The following GPR161 variants were observed in gnomAD, a reference collection of about 807,000 sequenced individuals.
GPR161 encodes the protein G protein-coupled receptor 161.
Under a neutral mutation model 39.2 loss-of-function variants are expected in GPR161, and 25 were observed. The ratio of observed to expected loss-of-function variants is 0.64; its 90% CI spans 0.47 to 0.89. The LOEUF (loss-of-function observed/expected upper bound fraction) is 0.89. GPR161 is among the 40% of genes least tolerant of loss of function. The probability of loss-of-function intolerance (pLI) is 0.00; values close to 1 mark genes in which losing one functional copy is unlikely to be tolerated. For missense variants in GPR161, 547 were observed against 677.8 expected, an observed-to-expected ratio of 0.81 and a Z score of 2.14; for synonymous variants, 286 against 276.6, an observed-to-expected ratio of 1.03 and a Z score of -0.34.
At chr1:168,107,465 G>C (rs1393774175) in intron 1 of GPR161, among the ~76,000 whole-genome samples, 1 of 152,194 alleles carries the variant, frequency 6.6e-6, no homozygotes, top group Non-Finnish European at 1.5e-5. Context: ...AAGAGGAAGA[G>C]AGACCTGAGC....
chr1:168,135,210 G>T (rs1276166719), intron 1 of GPR161, among the ~76,000 whole-genome samples: 1 of 152,190 alleles, frequency 6.6e-6, no homozygotes, highest in Non-Finnish European at 1.5e-5. Context: ...GAAACCACGT[G>T]AAAAGCACTA....
chr1:168,114,033 T>C (rs1272221953), intron 1 of GPR161, among the ~76,000 whole-genome samples: 4 of 152,220 alleles, frequency 2.6e-5, no homozygotes, highest in Non-Finnish European at 4.4e-5. Flanking sequence ...CAGGTATCTG[T>C]TGTGTTTTAT....
At chr1:168,122,804 C>T (rs1377061668) in intron 1 of GPR161, among the ~76,000 whole-genome samples, 1 of 152,120 alleles carries the variant, frequency 6.6e-6, no homozygotes, top group East Asian at 1.9e-4. Flanking sequence ...ACTTCCTGGC[C>T]CCATCCCCTT....
At chr1:168,117,137 T>C (rs753897071) in intron 1 of GPR161, among the ~76,000 whole-genome samples, 12 of 152,162 alleles carry the variant, frequency 7.9e-5, no homozygotes, top group Non-Finnish European at 1.6e-4. Flanking sequence ...AGCAAGTCTA[T>C]CAAATACTGT....
chr1:168,117,652 T>G (rs916788430), intron 1 of GPR161, among the ~76,000 whole-genome samples: 32 of 152,218 alleles, frequency 2.1e-4, no homozygotes, highest in African/African-American at 7.0e-4. Context: ...ATGGGGAAAC[T>G]GAGGCTCAGA....
At chr1:168,130,240 C>T (rs1218977658) in intron 1 of GPR161, among the ~76,000 whole-genome samples, 1 of 152,230 alleles carries the variant, frequency 6.6e-6, no homozygotes, top group Non-Finnish European at 1.5e-5. Context: ...GGAGACCCAC[C>T]CTTTTCACAC....
In GPR161 at chr1:168,082,514, T is replaced by A. The variant is rs1694151270; in HGVS notation, c.*3017A>T. On this transcript the variant is annotated 3_prime_UTR_variant, in exon 6 of 6. Coordinates refer to ENST00000682931, the MANE Select transcript of GPR161 (RefSeq NM_001375883.1). ...TGTGTTGAGCTGTGTGTGTGCTCTG[T>A]AATGTGGGACTCCCAATGCCTTCTG... 6.6e-6 allele frequency: 1 copy of A among 152,278 alleles called. No individual in the cohort carries two copies. The highest frequency in any genetic ancestry group is 1.5e-5 in the Non-Finnish European group (1 of 68,104). 9.4% of individuals were successfully genotyped at this position (152,278 alleles called of 1,614,324 possible).
At chr1:168,119,268 G>GTACATATATA (rs1558130126) in intron 1 of GPR161, among the ~76,000 whole-genome samples, 1 of 100,198 alleles carries the variant, frequency 1.0e-5, no homozygotes, top group African/African-American at 5.1e-5. Flanking sequence ...GTATATATAT[G>GTACATATATA]TGTATATATA....
chr1:168,113,279 C>T (rs1697370189), intron 1 of GPR161, among the ~76,000 whole-genome samples: 1 of 152,174 alleles, frequency 6.6e-6, no homozygotes, highest in Non-Finnish European at 1.5e-5. Flanking sequence ...AGTAAATCAC[C>T]TTGCACTGCT....
chr1:168,103,800 T>C (rs546253736), intron 2 of GPR161, among the ~76,000 whole-genome samples: 1 of 152,320 alleles, frequency 6.6e-6, no homozygotes, highest in East Asian at 1.9e-4. Context: ...TTCTAATAAA[T>C]GCACTCATTT....
At chr1:168,091,098 T>C (rs993092250) in intron 3 of GPR161, among the ~76,000 whole-genome samples, 13 of 152,266 alleles carry the variant, frequency 8.5e-5, no homozygotes, top group Admixed American at 7.8e-4. Flanking sequence ...GAGAGAATTT[T>C]TGTAAGCTGG....
chr1:168,121,738 G>A (rs537512704), intron 1 of GPR161, among the ~76,000 whole-genome samples: 1 of 152,300 alleles, frequency 6.6e-6, no homozygotes, highest in East Asian at 1.9e-4. Context: ...TGCACATTAG[G>A]CAGGGATTTT....
Position 168,080,210 on chromosome 1 carries a change from A to G in GPR161, c.*5321T>C, listed in dbSNP as rs1693968423. 1 of 152,122 alleles carries G rather than the reference A, an allele frequency of 6.6e-6. No homozygotes were observed. The highest frequency in any genetic ancestry group is 1.5e-5 in the Non-Finnish European group (1 of 68,028). The allele number at this position is 152,122 out of a possible 1,614,324, so 9.4% of individuals were successfully genotyped here. A position where few individuals can be genotyped will look rare whatever the true frequency, so the allele number is the denominator to read the frequency against. On this transcript the variant is annotated 3_prime_UTR_variant, in exon 6 of 6. Coordinates refer to ENST00000682931, the MANE Select transcript of GPR161 (RefSeq NM_001375883.1). ...GGCCAGCAGATATTAATATCTCCCA[A>G]GATCCTTGGTTTATAATAGTTCTAC... is the stretch of plus-strand genomic sequence containing the variant.
rs142900649 is a variant in GPR161 at position 168,087,334 on chromosome 1, G to GGTGTGTGTGTGTGT, written c.1324+237_1324+250dup. Among the ~76,000 whole-genome samples, 22 of 148,772 alleles carry GGTGTGTGTGTGTGT rather than the reference G, an allele frequency of 1.5e-4. No individual in the cohort carries two copies. In the South Asian group the frequency reaches 4.5e-3, roughly 30 times the overall value. Reference sequence around the variant, plus strand: ...TGGGCTGTGTGTGTAAACACGTGTGGGTGTGTGTGTGTGTGTGTGTGTGTG... The same window carrying GGTGTGTGTGTGTGT: ...TGGGCTGTGTGTGTAAACACGTGTGGGTGTGTGTGTGTGTGTGTGTGTGTGTGTGTGTGTGTGTG... On this transcript the variant is annotated intron_variant, in intron 5 of 5. Transcript: ENST00000682931.
At chr1:168,119,986 T>C (rs1422749448) in intron 1 of GPR161, among the ~76,000 whole-genome samples, 1 of 152,214 alleles carries the variant, frequency 6.6e-6, no homozygotes, top group Non-Finnish European at 1.5e-5. Context: ...CCTAGAGCAG[T>C]GCAGAAGGGA....
rs1293642123 is a variant in GPR161, at chr1:168,098,687, C to T, written c.375-1455G>A. 1.3e-5 allele frequency among the ~76,000 whole-genome samples: 2 copies of T among 152,200 alleles called. No individual in the cohort carries two copies. The highest frequency in any genetic ancestry group is 4.8e-5 in the African/African-American group (2 of 41,440). On this transcript the variant is annotated intron_variant, in intron 2 of 5. Transcript: ENST00000682931. The surrounding 1 kb of genome is among the most constrained non-coding windows in gnomAD (Gnocchi z 4.1). ...GCTGCTCTGAGCTGAGCCTTGAGCC[C>T]AGGCCAGGATCTATCCTGGAAAGAG...
rs75470120 is a variant in GPR161 at position 168,090,354 on chromosome 1, C to T, written c.1204+210G>A. 1.2e-3 allele frequency: 573 copies of T among 484,864 alleles called. 1 individual carries two copies. Among genetic ancestry groups the T allele is most frequent in the African/African-American group, 0.01 (521 of 51,596 alleles). 30.0% of individuals were successfully genotyped at this position (484,864 alleles called of 1,614,324 possible). A position where few individuals can be genotyped will look rare whatever the true frequency, so the allele number is the denominator to read the frequency against. ...GGCAGAGAGAACAGGAACTGACAGCCCCATTTTGTAGAGGAAGAAACTGAG... is the reference window on the plus strand; with the variant it reads ...GGCAGAGAGAACAGGAACTGACAGCTCCATTTTGTAGAGGAAGAAACTGAG... On this transcript the variant is annotated intron_variant, in intron 4 of 5. Coordinates refer to ENST00000682931, the MANE Select transcript of GPR161 (RefSeq NM_001375883.1).
At chr1:168,137,212 A>T, upstream of GPR161, 1 of 1,454,936 alleles carries the variant, frequency 6.9e-7, no homozygotes, top group Non-Finnish European at 9.0e-7. Context: ...GTGGTGCCTA[A>T]CTCAGGCCTT....
At chr1:168,092,144 T>C (rs1695124291) in intron 3 of GPR161, among the ~76,000 whole-genome samples, 1 of 152,208 alleles carries the variant, frequency 6.6e-6, no homozygotes, top group Admixed American at 6.5e-5. Flanking sequence ...TGGGGGTTAC[T>C]GTAGGGAGCT....
Sources: gnomAD v4.1 joint callset for allele counts (sites outside exome capture counted in the v4.1 genomes callset) on GRCh38, gnomAD v4.1.1 for gene constraint, Gnocchi (gnomAD v3.1) non-coding constraint, MANE v1.5 for transcripts, NCBI Gene and HGNC (gene_info 2026-07-23, HGNC 2026-07-21) for gene names.